GRIN2A: variants seen among roughly 807,000 people sequenced by gnomAD.
GRIN2A encodes the protein glutamate ionotropic receptor NMDA type subunit 2A, also known as glutamate receptor ionotropic, NMDA 2A.
Under a neutral mutation model 113.4 loss-of-function variants are expected in GRIN2A, and 22 were observed. The observed-to-expected ratio is 0.19, with a 90% CI of 0.14 to 0.28. The LOEUF is 0.28. Among genes scored for constraint, GRIN2A ranks in the 10% least tolerant of loss-of-function variants. The pLI is 1.00. For missense variants in GRIN2A, 1,502 were observed against 1,887.0 expected, an observed-to-expected ratio of 0.80 and a Z score of 3.78; for synonymous variants, 827 against 738.4, an observed-to-expected ratio of 1.12 and a Z score of -1.94.
Position 9,768,950 on chromosome 16 carries a change from G to A in GRIN2A, c.2496C>T (p.Leu832=), listed in dbSNP as rs2141150401. 4 of 1,614,206 alleles carry A rather than the reference G, an allele frequency of 2.5e-6. No individual in the cohort carries two copies. The South Asian group carries it at 4.4e-5, about 18-fold the overall frequency. ...AGAGGTGCTCCCAGATGAAGGTGATGAGGCTAAGGGCCATGGCGGCAGCCA... is the reference window on the plus strand; with the variant it reads ...AGAGGTGCTCCCAGATGAAGGTGATAAGGCTAAGGGCCATGGCGGCAGCCA... ...YMLAAAMALS[L]ITFIWEHLFY... Residue 832 remains leucine, a synonymous_variant, in exon 12 of 13, where the codon CTC becomes CTT. Coordinates refer to ENST00000330684, the MANE Select transcript of GRIN2A (RefSeq NM_001134407.3).
chr16:10,046,645 TAC>T (rs369417939), intron 2 of GRIN2A, among the ~76,000 whole-genome samples: 1 of 151,434 alleles, frequency 6.6e-6, no homozygotes, highest in Non-Finnish European at 1.5e-5. Context: ...GAGCAGCAGC[TAC>T]ACACACACAC....
chr16:10,025,165 A>G (rs2046796351), intron 2 of GRIN2A, among the ~76,000 whole-genome samples: 1 of 152,106 alleles, frequency 6.6e-6, no homozygotes, highest in Non-Finnish European at 1.5e-5. Context: ...GGGAGGGGCT[A>G]AGAAGACTGG....
Position 9,988,813 on chromosome 16 carries a change from C to T in GRIN2A, c.415-50262G>A, listed in dbSNP as rs146844227. 4.2e-3 allele frequency among the ~76,000 whole-genome samples: 632 copies of T among 152,230 alleles called. 4 individuals carry two copies. The highest frequency in any genetic ancestry group is 0.014 in the African/African-American group (581 of 41,536). ...GGCCCAGGTTCTTTCCACAATACTG[C>T]AGGTCCCTCCATGCTCCCACTTTTG... is the stretch of plus-strand genomic sequence containing the variant. On this transcript the variant is annotated intron_variant, in intron 2 of 12. Coordinates refer to ENST00000330684, the MANE Select transcript of GRIN2A (RefSeq NM_001134407.3).
intron 2 of GRIN2A, among the ~76,000 whole-genome samples, chr16:10,052,334 A>G (rs1346669327): frequency 1.3e-5 from 2 of 152,352 alleles, no homozygotes; most frequent in East Asian, 3.9e-4. Flanking sequence ...ACAGTTAAGG[A>G]GACTGAGCCC....
At chr16:10,068,327 G>T (rs2047687435) in intron 2 of GRIN2A, among the ~76,000 whole-genome samples, 3 of 152,200 alleles carry the variant, frequency 2.0e-5, no homozygotes, top group Admixed American at 2.0e-4. Flanking sequence ...CGTTTAATTG[G>T]CTCACAGTTC....
At chr16:10,000,662 A>G (rs2141841719) in intron 2 of GRIN2A, among the ~76,000 whole-genome samples, 1 of 152,308 alleles carries the variant, frequency 6.6e-6, no homozygotes, top group South Asian at 2.1e-4. Flanking sequence ...CATTGTATTA[A>G]GGAAGACAAA....
At chr16:10,157,341 A>G (rs1004368448) in intron 2 of GRIN2A, among the ~76,000 whole-genome samples, 1 of 152,226 alleles carries the variant, frequency 6.6e-6, no homozygotes, top group Admixed American at 6.5e-5. Flanking sequence ...CAATCCTTCT[A>G]ATTAGTCAGT....
At chr16:9,942,717 C>G (rs1458651721) in intron 2 of GRIN2A, among the ~76,000 whole-genome samples, 1 of 152,160 alleles carries the variant, frequency 6.6e-6, no homozygotes, top group Non-Finnish European at 1.5e-5. Context: ...GCCCAAGGAG[C>G]CTGTATAATG....
intron 4 of GRIN2A, among the ~76,000 whole-genome samples, chr16:9,883,601 A>G (rs192496492): frequency 6.6e-6 from 1 of 152,296 alleles, no homozygotes; most frequent in East Asian, 1.9e-4. Flanking sequence ...CTTGGGGGAC[A>G]CTCCGGGGAT....
At chr16:9,979,768 T>C (rs1033929213) in intron 2 of GRIN2A, among the ~76,000 whole-genome samples, 7 of 145,246 alleles carry the variant, frequency 4.8e-5, no homozygotes, top group Admixed American at 1.4e-4. Flanking sequence ...CCTATATACA[T>C]ATAAGGGACT....
chr16:10,086,274 C>T (rs763794938), intron 2 of GRIN2A, among the ~76,000 whole-genome samples: 1 of 152,126 alleles, frequency 6.6e-6, no homozygotes. Flanking sequence ...AGCTAGGGTG[C>T]CACAGTGACA....
intron 3 of GRIN2A, among the ~76,000 whole-genome samples, chr16:9,925,619 G>C (rs1449371127): frequency 6.6e-6 from 1 of 152,122 alleles, no homozygotes; most frequent in African/African-American, 2.4e-5. Context: ...GTGGTGAGTG[G>C]AGCCATAAAT....
intron 11 of GRIN2A, among the ~76,000 whole-genome samples, chr16:9,772,268 T>C (rs1383107214): frequency 6.6e-6 from 1 of 152,244 alleles, no homozygotes; most frequent in Non-Finnish European, 1.5e-5. Flanking sequence ...CTGCCCACCA[T>C]GTACCTCAGA....
At chr16:9,939,719 C>T (rs1255168168) in intron 2 of GRIN2A, among the ~76,000 whole-genome samples, 1 of 152,098 alleles carries the variant, frequency 6.6e-6, no homozygotes, top group Non-Finnish European at 1.5e-5. Context: ...CTGCATCCTG[C>T]CCCCTTTCTG....
intron 2 of GRIN2A, among the ~76,000 whole-genome samples, chr16:10,125,867 G>C (rs2048923770): frequency 6.6e-6 from 1 of 152,012 alleles, no homozygotes; most frequent in East Asian, 1.9e-4. Flanking sequence ...CCCAAACTCA[G>C]CTCCCTAGAG....
intron 2 of GRIN2A, among the ~76,000 whole-genome samples, chr16:10,092,575 C>T (rs1040419579): frequency 2.0e-5 from 3 of 152,204 alleles, no homozygotes; most frequent in Non-Finnish European, 2.9e-5. Context: ...AGACTCCTTA[C>T]TATGTGACAT....
At chr16:10,094,479 C>T (rs1055077133) in intron 2 of GRIN2A, among the ~76,000 whole-genome samples, 8 of 151,350 alleles carry the variant, frequency 5.3e-5, no homozygotes, top group Admixed American at 6.6e-5. Context: ...GATGGAATCT[C>T]GCTCTTATTG....
At chr16:9,917,426 G>C (rs747406161) in intron 3 of GRIN2A, among the ~76,000 whole-genome samples, 1 of 152,192 alleles carries the variant, frequency 6.6e-6, no homozygotes, top group Non-Finnish European at 1.5e-5. Context: ...TGTGACTGCT[G>C]TCCACTAACA....
chr16:10,157,458 A>G (rs893690796), intron 2 of GRIN2A, among the ~76,000 whole-genome samples: 3 of 152,242 alleles, frequency 2.0e-5, no homozygotes, highest in Non-Finnish European at 4.4e-5. Context: ...TCACACTGCT[A>G]TAAAAATACT....
Sources: gnomAD v4.1 joint callset for allele counts (sites outside exome capture counted in the v4.1 genomes callset) on GRCh38, gnomAD v4.1.1 for gene constraint, MANE v1.5 for transcripts, NCBI Gene and HGNC (gene_info 2026-07-23, HGNC 2026-07-21) for gene names.